FBXO22: variants seen among roughly 807,000 people sequenced by gnomAD.
FBXO22 encodes the protein F-box only protein 22.
A neutral mutation model predicts 37.2 loss-of-function variants in FBXO22; 13 were observed. That is an observed-to-expected ratio of 0.35 (90% CI 0.23 to 0.56). The LOEUF (loss-of-function observed/expected upper bound fraction) is 0.56. Among genes scored for constraint, FBXO22 ranks in the 20% least tolerant of loss-of-function variants. The pLI is 0.87. For synonymous variants in FBXO22, 189 were observed against 189.1 expected (o/e 1.00, Z 0.00); for missense variants, 446 against 509.9 (o/e 0.87, Z 1.21).
In FBXO22 at chr15:75,940,675, A is replaced by C. The variant is rs2030859596; in HGVS notation, c.*7573A>C. 2 of 152,126 alleles carry C rather than the reference A, an allele frequency of 1.3e-5. No individual in the cohort carries two copies. The highest frequency in any genetic ancestry group is 2.9e-5 in the Non-Finnish European group (2 of 67,996). 9.4% of individuals were successfully genotyped at this position (152,126 alleles called of 1,614,324 possible). A position where few individuals can be genotyped will look rare whatever the true frequency, so the allele number is the denominator to read the frequency against. On this transcript the variant is annotated 3_prime_UTR_variant, in exon 7 of 7. Coordinates refer to ENST00000308275, the MANE Select transcript of FBXO22 (RefSeq NM_147188.3). Reference sequence around the variant, plus strand: ...CAATGGGATAGACTGGAGAACCTAGAAATAAACCCTCTCATATGTAGGTAA... The same window carrying C: ...CAATGGGATAGACTGGAGAACCTAGCAATAAACCCTCTCATATGTAGGTAA...
intron 5 of FBXO22, among the ~76,000 whole-genome samples, chr15:75,923,208 G>C (rs1900367409): frequency 6.6e-6 from 1 of 152,264 alleles, no homozygotes; most frequent in African/African-American, 2.4e-5. Flanking sequence ...TTGAGCAGCA[G>C]AAACCCTTTT....
At chr15:75,904,658 C>G (rs370973879) in intron 2 of FBXO22, 29 bp downstream of exon 2, 6 of 1,552,228 alleles carry the variant, frequency 3.9e-6, no homozygotes, top group Non-Finnish European at 4.4e-6. Context: ...CATGCACAGT[C>G]ATTTGCAGGT....
intron 4 of FBXO22, among the ~76,000 whole-genome samples, chr15:75,914,421 G>C (rs1900138965): frequency 6.6e-6 from 1 of 152,166 alleles, no homozygotes; most frequent in South Asian, 2.1e-4. Context: ...TAAATATCCA[G>C]TAGTCATTCA....
Position 75,939,147 on chromosome 15 carries a change from AATC to A in FBXO22, c.*6047_*6049del. On this transcript the variant is annotated 3_prime_UTR_variant, in exon 7 of 7. Transcript: ENST00000308275. ...ATAAAGATTAGAAACACTAGAGAAA[AATC>A]AGTGAAACTACAAGTTCTTTAAAAG... 6.6e-6 allele frequency: 1 copy of A among 152,092 alleles called. No homozygotes were observed. Among genetic ancestry groups the A allele is most frequent in the South Asian group, 2.1e-4 (1 of 4,828 alleles). 9.4% of individuals were successfully genotyped at this position (152,092 alleles called of 1,614,324 possible).
intron 2 of FBXO22, among the ~76,000 whole-genome samples, chr15:75,907,832 A>G (rs761578833): frequency 1.3e-5 from 2 of 152,158 alleles, no homozygotes; most frequent in Non-Finnish European, 2.9e-5. Context: ...AATCGCAGCT[A>G]CTTGGGTAGC....
At chr15:75,918,623 G>C (rs774474212) in intron 5 of FBXO22, among the ~76,000 whole-genome samples, 3 of 152,178 alleles carry the variant, frequency 2.0e-5, no homozygotes, top group Non-Finnish European at 4.4e-5. Flanking sequence ...ATTAGCTGAT[G>C]GTGGATAAAG....
chr15:75,942,061 AAGTT>A lies in FBXO22; in HGVS notation c.*8963_*8966del, dbSNP rs1316970507. On this transcript the variant is annotated 3_prime_UTR_variant, in exon 7 of 7. Transcript: ENST00000308275. ...TTAAGTGTATATTGCTAAGTGAAAG[AAGTT>A]AGTCTGAAAGGCTACATACTACATG... is the stretch of plus-strand genomic sequence containing the variant. 1 of 151,544 alleles carries A rather than the reference AAGTT, an allele frequency of 6.6e-6. No individual in the cohort carries two copies. Among genetic ancestry groups the A allele is most frequent in the African/African-American group, 2.4e-5 (1 of 41,332 alleles). 9.4% of individuals were successfully genotyped at this position (151,544 alleles called of 1,614,324 possible). A position where few individuals can be genotyped will look rare whatever the true frequency, so the allele number is the denominator to read the frequency against.
intron 2 of FBXO22, among the ~76,000 whole-genome samples, chr15:75,911,952 T>C (rs1900063959): frequency 6.6e-6 from 1 of 150,742 alleles, no homozygotes; most frequent in Non-Finnish European, 1.5e-5. Flanking sequence ...ATACCTAGTT[T>C]ATTGAGAGTT....
chr15:75,939,993 G>A lies in FBXO22; in HGVS notation c.*6891G>A, dbSNP rs898038206. ...CATTTCACCATTCCTATTCAACACA[G>A]TACTAGGAGTTCTAGCCTGAGCTAG... On this transcript the variant is annotated 3_prime_UTR_variant, in exon 7 of 7. Coordinates refer to ENST00000308275, the MANE Select transcript of FBXO22 (RefSeq NM_147188.3). The A allele has an allele frequency of 1.3e-5, 2 of 151,918 alleles. No homozygotes were observed. Among genetic ancestry groups the A allele is most frequent in the African/African-American group, 4.8e-5 (2 of 41,378 alleles). The allele number at this position is 151,918 out of a possible 1,614,324, so 9.4% of individuals were successfully genotyped here.
chr15:75,933,171 C>A lies in FBXO22; in HGVS notation c.*69C>A. 1 of 1,339,308 alleles carries A rather than the reference C, an allele frequency of 7.5e-7. No homozygotes were observed. The highest frequency in any genetic ancestry group is 1.0e-6 in the Non-Finnish European group (1 of 976,926). 83.0% of individuals were successfully genotyped at this position (1,339,308 alleles called of 1,614,324 possible). A position where few individuals can be genotyped will look rare whatever the true frequency, so the allele number is the denominator to read the frequency against. The stretch of plus-strand genomic sequence containing the variant: ...TTTTTCAGAAAATGGAAACTTGGGC[C>A]ATGTGTATTTCAAACAAAAATAACT... On this transcript the variant is annotated 3_prime_UTR_variant, in exon 7 of 7. Coordinates refer to ENST00000308275, the MANE Select transcript of FBXO22 (RefSeq NM_147188.3).
intron 4 of FBXO22, among the ~76,000 whole-genome samples, chr15:75,915,108 C>G (rs997205540): frequency 2.0e-5 from 3 of 152,172 alleles, no homozygotes; most frequent in African/African-American, 7.2e-5. Flanking sequence ...GCTGGGATCA[C>G]AGGCGCCCGC....
intron 1 of FBXO22, 133 bp from the exon 2 acceptor site, chr15:75,904,358 C>T (rs912189188): frequency 2.1e-5 from 28 of 1,355,998 alleles, no homozygotes; most frequent in Non-Finnish European, 2.8e-5. Flanking sequence ...CCCTGACTGA[C>T]ACCTACCTAC....
In FBXO22 at chr15:75,936,643, C is replaced by T. The variant is rs942559186; in HGVS notation, c.*3541C>T. The T allele has an allele frequency of 3.3e-5, 5 of 151,960 alleles. No individual in the cohort carries two copies. The highest frequency in any genetic ancestry group is 7.3e-5 in the African/African-American group (3 of 41,326). The allele number at this position is 151,960 out of a possible 1,614,324, so 9.4% of individuals were successfully genotyped here. ...AGGCTGGAGTATAATGGCACAATCT[C>T]GACTCATTGCAACCTCCACCTCCTG... is the stretch of plus-strand genomic sequence containing the variant. On this transcript the variant is annotated 3_prime_UTR_variant, in exon 7 of 7. Transcript: ENST00000308275.
intron 5 of FBXO22, among the ~76,000 whole-genome samples, chr15:75,919,060 G>A (rs761554178): frequency 2.0e-5 from 3 of 152,064 alleles, no homozygotes; most frequent in Non-Finnish European, 4.4e-5. Context: ...TGGGTTCAAG[G>A]GTTCAAGTGA....
rs192172561 is a variant in FBXO22, at chr15:75,932,902, G to A, written c.1012G>A (p.Gly338Arg). The A allele has an allele frequency of 1.2e-6, 2 of 1,614,238 alleles. No individual in the cohort carries two copies. The highest frequency in any genetic ancestry group is 2.7e-5 in the African/African-American group (2 of 75,066). The change falls in exon 7 of 7, where the codon GGG (glycine) becomes AGG (arginine). Residue 338 changes from glycine (G) to arginine (R), a missense_variant. Coordinates refer to ENST00000308275, the MANE Select transcript of FBXO22 (RefSeq NM_147188.3). ...GGGCTTTCAGTATTACAGAGCCAAG[G>A]GGAATGTTGAGGCTGATGCATTTAG... ...GRGFQYYRAK[G>R]NVEADAFRKF...
chr15:75,931,474 G>A (rs2030009879), intron 6 of FBXO22, among the ~76,000 whole-genome samples: 2 of 152,284 alleles, frequency 1.3e-5, no homozygotes, highest in East Asian at 3.9e-4. Context: ...TAACAATTCT[G>A]TACCAAAGAG....
chr15:75,911,353 G>C (rs188066432), intron 2 of FBXO22, among the ~76,000 whole-genome samples: 1 of 152,248 alleles, frequency 6.6e-6, no homozygotes, highest in East Asian at 1.9e-4. Context: ...ATTACTTTGG[G>C]CAATATGGGC....
chr15:75,913,230 C>T lies in FBXO22; in HGVS notation c.307C>T (p.Leu103Phe), dbSNP rs771677073. Residue 103 changes from leucine to phenylalanine, a missense_variant, in exon 3 of 7, where the codon CTT becomes TTT. Around this residue, in one of 2 missense-constraint regions of FBXO22, gnomAD observed 315 missense variants for 410.1 expected, o/e 0.77. Transcript: ENST00000308275. ...TGTTCGCATCTTACCACATACAGTT[C>T]TTTACATGGCTGATTCAGAAACTTT... ...ENVRILPHTVLYMADSETFIS... is the reference protein window; with the variant it reads ...ENVRILPHTVFYMADSETFIS... 1 of 1,608,600 alleles carries T rather than the reference C, an allele frequency of 6.2e-7. No individual in the cohort carries two copies. The highest frequency in any genetic ancestry group is 8.5e-7 in the Non-Finnish European group (1 of 1,178,196).
Position 75,930,641 on chromosome 15 carries a change from A to C in FBXO22, c.794+592A>C, listed in dbSNP as rs1185743940. 3.0e-6 allele frequency: 3 copies of C among 985,368 alleles called. No individual in the cohort carries two copies. The African/African-American group carries it at 5.2e-5, about 17-fold the overall frequency. The allele number at this position is 985,368 out of a possible 1,614,324, so 61.0% of individuals were successfully genotyped here. Reference sequence around the variant, plus strand: ...CTAAGGCTTTTGCTTTCAAAGATAAAAATATTTGCTCTTCTGTCTTGGGAG... The same window carrying C: ...CTAAGGCTTTTGCTTTCAAAGATAACAATATTTGCTCTTCTGTCTTGGGAG... On this transcript the variant is annotated intron_variant, in intron 6 of 6. Transcript: ENST00000308275.
Sources: gnomAD v4.1 joint callset for allele counts (sites outside exome capture counted in the v4.1 genomes callset) on GRCh38, gnomAD v4.1.1 for gene constraint, gnomAD v4.1.1 regional missense constraint, MANE v1.5 for transcripts, NCBI Gene and HGNC (gene_info 2026-07-23, HGNC 2026-07-21) for gene names.